GRHL2: variants seen among roughly 807,000 people sequenced by gnomAD.
GRHL2 encodes grainyhead-like protein 2 homolog.
Under a neutral mutation model 83.8 loss-of-function variants are expected in GRHL2, and 21 were observed. The observed-to-expected ratio is 0.25, with a 90% CI of 0.18 to 0.36. GRHL2 has a LOEUF of 0.36. GRHL2 is among the 10% of genes least tolerant of loss of function. The pLI is 1.00. For missense variants in GRHL2, 623 were observed against 781.8 expected (o/e 0.80, Z 2.42); for synonymous variants, 280 against 278.9 (o/e 1.00, Z -0.04).
At chr8:101,502,049 T>A (rs1367912530) in intron 1 of GRHL2, among the ~76,000 whole-genome samples, 1 of 152,066 alleles carries the variant, frequency 6.6e-6, no homozygotes, top group Non-Finnish European at 1.5e-5. Flanking sequence ...TTTTTGGTTC[T>A]CAGTTCAGTG....
chr8:101,548,159 A>G (rs1166077776), intron 2 of GRHL2, among the ~76,000 whole-genome samples: 1 of 152,076 alleles, frequency 6.6e-6, no homozygotes, highest in Non-Finnish European at 1.5e-5. Flanking sequence ...CCATCTATCC[A>G]TCCATCCATC....
At chr8:101,578,662 C>T (rs371838458) in intron 7 of GRHL2, among the ~76,000 whole-genome samples, 1 of 152,224 alleles carries the variant, frequency 6.6e-6, no homozygotes, top group East Asian at 1.9e-4. Flanking sequence ...GACTAAGATG[C>T]TTCAGTCCAA....
At chr8:101,526,525 CTTTTTTTTTTTTTTTTT>C (rs33928032) in intron 1 of GRHL2, among the ~76,000 whole-genome samples, 1 of 109,658 alleles carries the variant, frequency 9.1e-6, no homozygotes, top group Admixed American at 1.0e-4. Context: ...TCTTTTTTTC[CTTTTTTTTTTTTTTTTT>C]TTTTGCTTGA....
chr8:101,522,738 C>CATATACATATACAT (rs1396473558), intron 1 of GRHL2, among the ~76,000 whole-genome samples: 56 of 135,288 alleles, frequency 4.1e-4, no homozygotes, highest in African/African-American at 1.4e-3. Flanking sequence ...TATACATATA[C>CATATACATATACAT]ATATATATAT....
At chr8:101,495,304 G>A (rs60728742) in intron 1 of GRHL2, among the ~76,000 whole-genome samples, 5,397 of 152,244 alleles carry the variant, frequency 0.035, 327 homozygotes, top group African/African-American at 0.12. Flanking sequence ...GCAATCTTTG[G>A]GATTGCACAG....
chr8:101,592,320 G>A (rs563598617), intron 7 of GRHL2, among the ~76,000 whole-genome samples: 1 of 152,096 alleles, frequency 6.6e-6, no homozygotes, highest in South Asian at 2.1e-4. Context: ...GGTCAGGCTG[G>A]TCTCAAAGTC....
chr8:101,588,415 T>A (rs138165295), intron 7 of GRHL2, among the ~76,000 whole-genome samples: 523 of 152,302 alleles, frequency 3.4e-3, no homozygotes, highest in African/African-American at 0.012. Flanking sequence ...ACTAGCAACA[T>A]GAGTCATTCA....
intron 14 of GRHL2, 50 bp downstream of exon 14, chr8:101,649,549 T>C (rs1056384993): frequency 1.5e-6 from 2 of 1,367,542 alleles, no homozygotes; most frequent in South Asian, 1.2e-5. Context: ...GTGTTCTCTC[T>C]CCTCTGGAAT....
chr8:101,664,435 C>A lies in GRHL2; in HGVS notation c.1699-19C>A. The A allele has an allele frequency of 6.2e-7, 1 of 1,605,134 alleles. No homozygotes were observed. Among genetic ancestry groups the A allele is most frequent in the Non-Finnish European group, 8.5e-7 (1 of 1,171,934 alleles). On this transcript the variant is annotated intron_variant, in intron 14 of 15. Coordinates refer to ENST00000646743, the MANE Select transcript of GRHL2 (RefSeq NM_024915.4). ...GCGTCCTTCTGTGCTCATCTGCCTT[C>A]TTGTTATTGGTATTACAGATATCTG...
Position 101,543,260 on chromosome 8 carries a change from T to G in GRHL2, c.40T>G (p.Leu14Val), listed in dbSNP as rs759826730. The change falls in exon 2 of 16, where the codon TTA (leucine) becomes GTA (valine). Residue 14 changes from leucine (L) to valine (V), a missense_variant. By Grantham distance (32) the Leu-to-Val change is conservative. Coordinates refer to ENST00000646743, the MANE Select transcript of GRHL2 (RefSeq NM_024915.4). ...ESDNNKRLVA[L>V]VPMPSDPPFN... ...TTACAGTAATAAAAGACTAGTGGCC[T>G]TAGTGCCCATGCCCAGTGACCCTCC... is the stretch of plus-strand genomic sequence containing the variant. The G allele has an allele frequency of 6.2e-7, 1 of 1,614,052 alleles. No individual in the cohort carries two copies. Among genetic ancestry groups the G allele is most frequent in the Non-Finnish European group, 8.5e-7 (1 of 1,179,902 alleles).
Position 101,632,262 on chromosome 8 carries a change from A to G in GRHL2, c.1382A>G (p.Lys461Arg). ...AAGTTGGCTGCCATACCTTTACAGA[A>G]GAAGAGTGACATCACCTACTTCAAA... Reference protein sequence around the residue: ...DGKLAAIPLQKKSDITYFKTM... With the variant: ...DGKLAAIPLQRKSDITYFKTM... Residue 461 changes from lysine (K) to arginine (R), a missense_variant, in exon 11 of 16, where the codon AAG (lysine) becomes AGG (arginine). Transcript: ENST00000646743. 1 of 1,614,012 alleles carries G rather than the reference A, an allele frequency of 6.2e-7. No individual in the cohort carries two copies. Among genetic ancestry groups the G allele is most frequent in the Non-Finnish European group, 8.5e-7 (1 of 1,179,930 alleles).
At chr8:101,512,567 C>T (rs950338463) in intron 1 of GRHL2, among the ~76,000 whole-genome samples, 2 of 152,098 alleles carry the variant, frequency 1.3e-5, no homozygotes, top group African/African-American at 4.8e-5. Flanking sequence ...CTCCGCCTCC[C>T]GGGTTCAAGC....
chr8:101,634,149 C>T (rs1813238969), intron 11 of GRHL2, among the ~76,000 whole-genome samples: 1 of 152,168 alleles, frequency 6.6e-6, no homozygotes, highest in Non-Finnish European at 1.5e-5. Context: ...TATATCCTGC[C>T]TATATATCCC....
chr8:101,583,405 T>C (rs1313330983), intron 7 of GRHL2, among the ~76,000 whole-genome samples: 1 of 152,170 alleles, frequency 6.6e-6, no homozygotes, highest in African/African-American at 2.4e-5. Context: ...CTGTGGGGGA[T>C]ACAGGGGAAC....
At chr8:101,655,594 G>A (rs1043824411) in intron 14 of GRHL2, among the ~76,000 whole-genome samples, 3 of 146,546 alleles carry the variant, frequency 2.0e-5, no homozygotes, top group African/African-American at 7.8e-5. Context: ...TATACACCCA[G>A]CTAGAACAAG....
In GRHL2 at chr8:101,663,883, T is replaced by C. The variant is rs117549652; in HGVS notation, c.1699-571T>C. ...TGTTGCAAAAATGTTTCCCAGTGTA[T>C]TTTTTTGTCTTTAGCATTTTAGTTT... On this transcript the variant is annotated intron_variant, in intron 14 of 15. Coordinates refer to ENST00000646743, the MANE Select transcript of GRHL2 (RefSeq NM_024915.4). Among the ~76,000 whole-genome samples, 572 of 152,056 alleles carry C rather than the reference T, an allele frequency of 3.8e-3. 8 individuals are homozygous for C. In the East Asian group the frequency reaches 0.057, roughly 15 times the overall value.
At position 101,542,755 on chromosome 8, in the gene GRHL2, G is replaced by C. The variant is rs1272630092; in HGVS notation, c.21-486G>C. ...GGATCAAGGGGCAGCATCTGACCAA[G>C]GACTTCTTGCTGCATCATCTTATGG... On this transcript the variant is annotated intron_variant, in intron 1 of 15. Coordinates refer to ENST00000646743, the MANE Select transcript of GRHL2 (RefSeq NM_024915.4). 6 of 456,448 alleles carry C rather than the reference G, an allele frequency of 1.3e-5. No homozygotes were observed. The Admixed American group carries it at 1.4e-4, about 11-fold the overall frequency. The allele number at this position is 456,448 out of a possible 1,614,324, so 28.3% of individuals were successfully genotyped here.
At chr8:101,543,849 C>A (rs681403) in intron 2 of GRHL2, 99,380 of 223,302 alleles carry the variant, frequency 0.45, 24,154 homozygotes, top group African/African-American at 0.64. Flanking sequence ...GAAGAAAAAG[C>A]GGTTTAATTG....
intron 2 of GRHL2, among the ~76,000 whole-genome samples, chr8:101,552,094 C>G (rs1271633433): frequency 6.6e-6 from 1 of 152,044 alleles, no homozygotes; most frequent in African/African-American, 2.4e-5. Context: ...CTTGGCCTCC[C>G]AAAGGGCATT....
Sources: gnomAD v4.1 joint callset for allele counts (sites outside exome capture counted in the v4.1 genomes callset) on GRCh38, gnomAD v4.1.1 for gene constraint, MANE v1.5 for transcripts, NCBI Gene and HGNC (gene_info 2026-07-23, HGNC 2026-07-21) for gene names.